The following MGA variants were observed in gnomAD, a reference collection of about 807,000 sequenced individuals.
MGA encodes MAX dimerization protein MGA.
MGA carries 40 observed loss-of-function variants against 261.1 expected under a neutral mutation model. The observed-to-expected ratio is 0.15, with a 90% CI of 0.12 to 0.20. The LOEUF is 0.20. MGA is among the 10% of genes least tolerant of loss of function. The pLI is 1.00. For missense variants in MGA, 3,397 were observed against 3,630.5 expected (o/e 0.94, Z 1.65); for synonymous variants, 1,302 against 1,290.6 (o/e 1.01, Z -0.19).
chr15:41,733,806 A>G (rs2577959), intron 11 of MGA, among the ~76,000 whole-genome samples: 113,355 of 152,136 alleles, frequency 0.75, 43,180 homozygotes, highest in East Asian at 0.89. Context: ...GGATTTGATA[A>G]ATTAAAAAGT....
intron 18 of MGA, among the ~76,000 whole-genome samples, chr15:41,755,010 C>T (rs2063063638): frequency 6.6e-6 from 1 of 152,138 alleles, no homozygotes; most frequent in Admixed American, 6.5e-5. Context: ...TAAGAATAGG[C>T]ATTACATTCT....
upstream of MGA, among the ~76,000 whole-genome samples, chr15:41,657,755 A>G (rs954063561): frequency 7.9e-5 from 12 of 151,976 alleles, no homozygotes; most frequent in African/African-American, 2.4e-4. Context: ...GTTCTTTATT[A>G]TATTGATATT....
At chr15:41,646,300 G>T (rs1173378003) in intron 1 of MGA, among the ~76,000 whole-genome samples, 1 of 151,764 alleles carries the variant, frequency 6.6e-6, no homozygotes, top group Non-Finnish European at 1.5e-5. Flanking sequence ...AAATTTAGCT[G>T]TGAGGAGATA....
intron 3 of MGA, among the ~76,000 whole-genome samples, chr15:41,697,331 A>G (rs1445027503): frequency 1.3e-5 from 2 of 152,134 alleles, no homozygotes; most frequent in Non-Finnish European, 1.5e-5. Context: ...TGGATTTTGG[A>G]AAGGACTAAA....
chr15:41,681,252 A>G (rs902813954), intron 2 of MGA, among the ~76,000 whole-genome samples: 1 of 152,102 alleles, frequency 6.6e-6, no homozygotes, highest in Non-Finnish European at 1.5e-5. Context: ...CATTTTAGCT[A>G]TTTCTTGTGG....
intron 2 of MGA, among the ~76,000 whole-genome samples, chr15:41,671,321 TTTTG>T (rs1331330020): frequency 6.6e-6 from 1 of 152,208 alleles, no homozygotes; most frequent in Non-Finnish European, 1.5e-5. Context: ...CTTGCCTTAT[TTTTG>T]TTTGTTTATT....
intron 1 of MGA, among the ~76,000 whole-genome samples, chr15:41,624,963 G>A (rs943180999): frequency 4.6e-5 from 7 of 152,102 alleles, no homozygotes; most frequent in Non-Finnish European, 8.8e-5. Flanking sequence ...GTAACAGAGT[G>A]AGACCCCATC....
intron 13 of MGA, among the ~76,000 whole-genome samples, chr15:41,737,174 A>G (rs1433336956): frequency 6.6e-6 from 1 of 152,118 alleles, no homozygotes; most frequent in Non-Finnish European, 1.5e-5. Flanking sequence ...TTTATTTATT[A>G]TTTATTTATT....
intron 9 of MGA, among the ~76,000 whole-genome samples, chr15:41,715,186 G>A (rs935243751): frequency 7.6e-6 from 1 of 131,656 alleles, no homozygotes; most frequent in Non-Finnish European, 1.5e-5. Flanking sequence ...GTCTCACTCT[G>A]TTGCCCAGGC....
At position 41,738,352 on chromosome 15, in the gene MGA, G is replaced by A. The variant is rs563221068; in HGVS notation, c.4434+1654G>A. On this transcript the variant is annotated intron_variant, in intron 13 of 23. Coordinates refer to ENST00000219905, the MANE Select transcript of MGA (RefSeq NM_001164273.2). ...AGAGGTTGCAGTGAGCCGAGATCAC[G>A]CCACTGCATTCCAGCCTGGGCGACA... Among the ~76,000 whole-genome samples the A allele has an allele frequency of 5.3e-5, 8 of 152,286 alleles. 1 individual carries two copies. The South Asian group carries it at 1.2e-3, about 24-fold the overall frequency.
intron 2 of MGA, among the ~76,000 whole-genome samples, chr15:41,672,152 A>G (rs1198472291): frequency 1.3e-5 from 2 of 152,118 alleles, no homozygotes; most frequent in African/African-American, 2.4e-5. Flanking sequence ...AAAGGGTCAG[A>G]CGTATGTTTG....
intron 2 of MGA, 101 bp from the exon 3 acceptor site, chr15:41,695,974 G>A (rs1015141699): frequency 1.0e-5 from 9 of 866,916 alleles, no homozygotes; most frequent in African/African-American, 1.7e-5. Flanking sequence ...GAAATCTGAT[G>A]TGTTACTTGG....
At chr15:41,731,061 T>A (rs1459010218) in intron 11 of MGA, among the ~76,000 whole-genome samples, 1 of 152,202 alleles carries the variant, frequency 6.6e-6, no homozygotes, top group Non-Finnish European at 1.5e-5. Context: ...CTTGGAAAAT[T>A]AAGGATGAAA....
intron 1 of MGA, among the ~76,000 whole-genome samples, chr15:41,651,939 G>A (rs1265599349): frequency 5.0e-5 from 1 of 20,106 alleles, no homozygotes; most frequent in Non-Finnish European, 9.3e-5. Flanking sequence ...CCCTCCCCCC[G>A]TCTCTCCTCT....
chr15:41,696,894 A>G lies in MGA; in HGVS notation c.1884A>G (p.Pro628=), dbSNP rs770856213. The G allele has an allele frequency of 1.3e-6, 2 of 1,597,908 alleles. No individual in the cohort carries two copies. The highest frequency in any genetic ancestry group is 1.7e-6 in the Non-Finnish European group (2 of 1,171,886). Residue 628 remains proline (P), a synonymous_variant, in exon 3 of 24, where the codon CCA becomes CCG. Coordinates refer to ENST00000219905, the MANE Select transcript of MGA (RefSeq NM_001164273.2). The stretch of plus-strand genomic sequence containing the variant: ...TGAAACTCTGTAAGGCAGGACGACC[A>G]CCTAAGAACACAGGAAAGTCTTTAA...
chr15:41,750,313 G>T lies in MGA; in HGVS notation c.6706G>T (p.Val2236Phe). 1 of 1,614,036 alleles carries T rather than the reference G, an allele frequency of 6.2e-7. No individual in the cohort carries two copies. Among genetic ancestry groups the T allele is most frequent in the South Asian group, 1.1e-5 (1 of 91,082 alleles). Residue 2236 changes from valine to phenylalanine, a missense_variant, in exon 17 of 24, where the codon GTT becomes TTT. By Grantham distance (50) the Val-to-Phe change is conservative. Around this residue, in one of 9 missense-constraint regions of MGA, gnomAD observed 1,410 missense variants for 1,386.4 expected, o/e 1.02. Transcript: ENST00000219905. Reference sequence around the variant, plus strand: ...AAGTGGAATTACTGAAGATGCCAGAGTTTTGAAAACTGAATGTGATTCTTG... The same window carrying T: ...AAGTGGAATTACTGAAGATGCCAGATTTTTGAAAACTGAATGTGATTCTTG...
chr15:41,765,010 C>G lies in MGA; in HGVS notation c.7869C>G (p.Leu2623=), dbSNP rs547913855. ...CAGTGGTAGCTGTTTCTCCTGATCTCTTAGAATCTGATCTTAAGCCTCAAG... is the reference window on the plus strand; with the variant it reads ...CAGTGGTAGCTGTTTCTCCTGATCTGTTAGAATCTGATCTTAAGCCTCAAG... Residue 2623 remains leucine (L), a synonymous_variant, in exon 23 of 24, where the codon CTC becomes CTG. Coordinates refer to ENST00000219905, the MANE Select transcript of MGA (RefSeq NM_001164273.2). 1.9e-6 allele frequency: 3 copies of G among 1,614,016 alleles called. No individual in the cohort carries two copies. The African/African-American group carries it at 4.0e-5, about 22-fold the overall frequency.
At position 41,750,077 on chromosome 15, in the gene MGA, A is replaced by G. The variant is rs1345211663; in HGVS notation, c.6470A>G (p.Glu2157Gly). 1 of 1,613,114 alleles carries G rather than the reference A, an allele frequency of 6.2e-7. No individual in the cohort carries two copies. The highest frequency in any genetic ancestry group is 2.2e-5 in the East Asian group (1 of 44,874). ...GAGCAGCAATCTAATCTACAGCCAG[A>G]GGCCAAAGAGAAGGAATGTGGAGAC... Residue 2157 changes from glutamate to glycine, a missense_variant, in exon 17 of 24, where the codon GAG becomes GGG. Around this residue, in one of 9 missense-constraint regions of MGA, gnomAD observed 1,410 missense variants for 1,386.4 expected, o/e 1.02. Coordinates refer to ENST00000219905, the MANE Select transcript of MGA (RefSeq NM_001164273.2).
chr15:41,724,273 A>G (rs1166485940), intron 9 of MGA, among the ~76,000 whole-genome samples: 1 of 152,194 alleles, frequency 6.6e-6, no homozygotes, highest in African/African-American at 2.4e-5. Context: ...ACTTGTACAT[A>G]CTTACTACAC....
Sources: gnomAD v4.1 joint callset for allele counts (sites outside exome capture counted in the v4.1 genomes callset) on GRCh38, gnomAD v4.1.1 for gene constraint, gnomAD v4.1.1 regional missense constraint, MANE v1.5 for transcripts, NCBI Gene and HGNC (gene_info 2026-07-23, HGNC 2026-07-21) for gene names.